DNAH12: variants seen among roughly 807,000 people sequenced by gnomAD.
DNAH12 encodes the protein dynein axonemal heavy chain 12.
Under a neutral mutation model 371.5 loss-of-function variants are expected in DNAH12, and 285 were observed. That is an observed-to-expected ratio of 0.77 (90% CI 0.70 to 0.85). The LOEUF is 0.85. Among genes scored for constraint, DNAH12 ranks in the 40% least tolerant of loss-of-function variants. The probability of loss-of-function intolerance (pLI) is 0.00; values close to 1 mark genes in which losing one functional copy is unlikely to be tolerated. For synonymous variants in DNAH12, 1,200 were observed against 1,213.0 expected (o/e 0.99, Z 0.22); for missense variants, 3,611 against 3,689.4 (o/e 0.98, Z 0.55).
chr3:57,443,633 T>G (rs916766380), intron 29 of DNAH12, among the ~76,000 whole-genome samples: 2 of 152,102 alleles, frequency 1.3e-5, no homozygotes, highest in African/African-American at 4.8e-5. Flanking sequence ...TATATAATGA[T>G]TACCACAATC....
chr3:57,343,517 G>A (rs1479289440), intron 60 of DNAH12, among the ~76,000 whole-genome samples: 9 of 152,242 alleles, frequency 5.9e-5, no homozygotes, highest in South Asian at 2.1e-4. Context: ...GCGGAAAGCC[G>A]CAGGGGCCTC....
intron 43 of DNAH12, among the ~76,000 whole-genome samples, chr3:57,400,752 G>T (rs1426085754): frequency 6.6e-6 from 1 of 152,128 alleles, no homozygotes; most frequent in African/African-American, 2.4e-5. Flanking sequence ...CACAAGTAAG[G>T]GGGGACTACC....
chr3:57,458,098 C>G lies in DNAH12; in HGVS notation c.3053+1G>C. 6.5e-7 allele frequency: 1 copy of G among 1,543,992 alleles called. No homozygotes were observed. The highest frequency in any genetic ancestry group is 8.7e-7 in the Non-Finnish European group (1 of 1,145,032). On this transcript the variant is annotated splice_donor_variant, in intron 21 of 73. Coordinates refer to ENST00000495027, the MANE Select transcript of DNAH12 (RefSeq NM_001366028.2). LOFTEE classifies it high-confidence loss of function. Reference sequence around the variant, plus strand: ...ACAGCACAATTGATTATTTATCATACCGAGGGAAGAAAAGACGTTTCTTTT... The same window carrying G: ...ACAGCACAATTGATTATTTATCATAGCGAGGGAAGAAAAGACGTTTCTTTT...
Position 57,472,590 on chromosome 3 carries a change from T to C in DNAH12, c.1732A>G (p.Met578Val). The C allele has an allele frequency of 6.4e-7, 1 of 1,551,052 alleles. No homozygotes were observed. The highest frequency in any genetic ancestry group is 8.7e-7 in the Non-Finnish European group (1 of 1,146,766). The change falls in exon 14 of 74, where the codon ATG (methionine) becomes GTG (valine). Residue 578 changes from methionine to valine, a missense_variant. Coordinates refer to ENST00000495027, the MANE Select transcript of DNAH12 (RefSeq NM_001366028.2). ...ATGGGATTAATTTTCCTAGGCCACA[T>C]GAGGACAGTTGCATTTAAAGCTAAG... ...EDLALNATVL[M>V]WPRKINPIFD... is the part of the protein sequence containing the mutation.
Position 57,293,782 on chromosome 3 carries a change from T to G in DNAH12, c.11882A>C (p.Ter3961SerextTer25). 6.5e-7 allele frequency: 1 copy of G among 1,548,936 alleles called. No homozygotes were observed. ...GGATGTTTTATAAATTTGTCCAATT[T>G]AGTCATCCAACTGACAAAGCAAAGC... ...GVALLCQLDD* is the reference protein window; with the variant it reads ...GVALLCQLDDS Residue 3961 changes from the stop codon to serine, a stop_lost, in exon 74 of 74, where the codon TAA (stop) becomes TCA (serine). Transcript: ENST00000495027.
At chr3:57,458,518 C>G (rs941242308) in intron 20 of DNAH12, among the ~76,000 whole-genome samples, 12 of 152,092 alleles carry the variant, frequency 7.9e-5, no homozygotes, top group Admixed American at 5.9e-4. Context: ...GGCTGGTGCT[C>G]GATTTAATTC....
chr3:57,325,002 G>A (rs940615968), intron 62 of DNAH12, among the ~76,000 whole-genome samples: 1 of 152,252 alleles, frequency 6.6e-6, no homozygotes, highest in Non-Finnish European at 1.5e-5. Flanking sequence ...CTGCAAGGCG[G>A]CAGCGAGGCT....
rs1028173557 is a variant in DNAH12 at position 57,308,083 on chromosome 3, C to T, written c.11189+1068G>A. 9.2e-5 allele frequency among the ~76,000 whole-genome samples: 14 copies of T among 152,176 alleles called. No homozygotes were observed. The South Asian group carries it at 2.1e-3, about 23-fold the overall frequency. On this transcript the variant is annotated intron_variant, in intron 69 of 73. Transcript: ENST00000495027. ...CACATCAAGCTCAGGGATTTGCCCC[C>T]GCCCAGGACTGGCAAATTGGCTTTA...
rs769759352 is a variant in DNAH12, at chr3:57,419,429, TATG to T, written c.5649_5651del (p.Ile1884del). The T allele has an allele frequency of 2.2e-5, 33 of 1,508,694 alleles. No individual in the cohort carries two copies. Among genetic ancestry groups the T allele is most frequent in the South Asian group, 4.0e-5 (3 of 74,252 alleles). 93.5% of individuals were successfully genotyped at this position (1,508,694 alleles called of 1,614,324 possible). A position where few individuals can be genotyped will look rare whatever the true frequency, so the allele number is the denominator to read the frequency against. On this transcript the variant is annotated inframe_deletion, in exon 37 of 74. Transcript: ENST00000495027. ...ATCTAATTGTGTCCATCGTAGGGACTATGATATCTTGAATCTTGATTTGTTTAT... is the reference window on the plus strand; with the variant it reads ...ATCTAATTGTGTCCATCGTAGGGACTATATCTTGAATCTTGATTTGTTTAT...
chr3:57,443,121 T>C (rs1292980631), intron 29 of DNAH12, among the ~76,000 whole-genome samples: 1 of 152,214 alleles, frequency 6.6e-6, no homozygotes, highest in African/African-American at 2.4e-5. Flanking sequence ...TTTATTATTT[T>C]TATTTTAAGA....
chr3:57,383,608 A>T (rs2063440239), intron 49 of DNAH12, among the ~76,000 whole-genome samples: 1 of 129,480 alleles, frequency 7.7e-6, no homozygotes, highest in Non-Finnish European at 1.6e-5. Flanking sequence ...TTAGCCAGGC[A>T]TGGTGTCATG....
chr3:57,367,249 G>A (rs2063070773), intron 56 of DNAH12, among the ~76,000 whole-genome samples: 3 of 152,082 alleles, frequency 2.0e-5, no homozygotes, highest in Admixed American at 1.3e-4. Flanking sequence ...AACAAGAATC[G>A]CTTGAACCCA....
In DNAH12 at chr3:57,482,076, C is replaced by A. The variant is rs1024277638; in HGVS notation, c.1650+1300G>T. Reference sequence around the variant, plus strand: ...AAAAGCCAAAATTGACAAATGGGATCTAATTAAACTAAAGAGCTTCTGCAC... The same window carrying A: ...AAAAGCCAAAATTGACAAATGGGATATAATTAAACTAAAGAGCTTCTGCAC... On this transcript the variant is annotated intron_variant, in intron 13 of 73. Coordinates refer to ENST00000495027, the MANE Select transcript of DNAH12 (RefSeq NM_001366028.2). 1.1e-3 allele frequency among the ~76,000 whole-genome samples: 161 copies of A among 152,192 alleles called. 1 individual carries two copies. The highest frequency in any genetic ancestry group is 1.8e-3 in the Non-Finnish European group (124 of 67,966).
chr3:57,309,621 AT>A (rs1266203958), intron 68 of DNAH12, 44 bp downstream of exon 68: 1 of 1,387,610 alleles, frequency 7.2e-7, no homozygotes, highest in Non-Finnish European at 9.4e-7. Flanking sequence ...TTTCAGTATC[AT>A]TTTTATTTAT....
chr3:57,547,176 AT>A (rs975323097), upstream of DNAH12, among the ~76,000 whole-genome samples: 12 of 142,582 alleles, frequency 8.4e-5, no homozygotes, highest in Non-Finnish European at 1.4e-4. Flanking sequence ...GTTTAAAAAA[AT>A]ATATATATAT....
chr3:57,445,036 A>G, intron 28 of DNAH12, 138 bp downstream of exon 28: 1 of 1,200,754 alleles, frequency 8.3e-7, no homozygotes, highest in Non-Finnish European at 1.1e-6. Flanking sequence ...AACATAACCC[A>G]AAAAACCATC....
rs182642740 is a variant in DNAH12, at chr3:57,476,433, G to A, written c.1651-3762C>T. Among the ~76,000 whole-genome samples, 1,354 of 152,090 alleles carry A rather than the reference G, an allele frequency of 8.9e-3. 27 individuals carry two copies. Among genetic ancestry groups the A allele is most frequent in the Admixed American group, 0.051 (781 of 15,272 alleles). Reference sequence around the variant, plus strand: ...ACAAAAATTAGCCAGGCGTGGTGGCGGGTGCCTGTACTCCCAGCTACTCAG... The same window carrying A: ...ACAAAAATTAGCCAGGCGTGGTGGCAGGTGCCTGTACTCCCAGCTACTCAG... On this transcript the variant is annotated intron_variant, in intron 13 of 73. Coordinates refer to ENST00000495027, the MANE Select transcript of DNAH12 (RefSeq NM_001366028.2).
intron 55 of DNAH12, among the ~76,000 whole-genome samples, chr3:57,374,145 T>A (rs1485196979): frequency 6.6e-6 from 1 of 152,214 alleles, no homozygotes; most frequent in Admixed American, 6.5e-5. Context: ...AAAGTCAGAT[T>A]GCCTGGATTC....
intron 2 of DNAH12, among the ~76,000 whole-genome samples, chr3:57,526,351 A>G (rs2068644817): frequency 6.6e-6 from 1 of 151,508 alleles, no homozygotes. Flanking sequence ...GCTGAATGGT[A>G]CTCCATTATG....
Sources: allele counts gnomAD v4.1 joint callset (sites outside exome capture counted in the v4.1 genomes callset), GRCh38; gene constraint gnomAD v4.1.1; transcripts MANE v1.5; gene names NCBI Gene and HGNC (gene_info 2026-07-23, HGNC 2026-07-21).